Variants in CCNY observed in about 807,000 individuals in gnomAD.
The protein encoded by CCNY is cyclin-Y.
Under a neutral mutation model 42.8 loss-of-function variants are expected in CCNY, and 19 were observed. The observed-to-expected ratio is 0.44, with a 90% CI of 0.31 to 0.65. The LOEUF is 0.65. Among genes scored for constraint, CCNY ranks in the 30% least tolerant of loss-of-function variants. The probability of loss-of-function intolerance (pLI) is 0.07; values close to 1 mark genes in which losing one functional copy is unlikely to be tolerated. For missense variants in CCNY, 370 were observed against 437.3 expected (o/e 0.85, Z 1.37); for synonymous variants, 165 against 162.7 (o/e 1.01, Z -0.11).
In CCNY at chr10:35,312,318, T is replaced by C. The variant is rs540465652; in HGVS notation, c.-9+61692T>C. On this transcript the variant is annotated intron_variant, in intron 3 of 11. Transcript: ENST00000374706. ...ATCGCTTGAGCCCAGGAGGCGGAGC[T>C]TGCAGTGAGCCGAGATTGCGCCACT... 7.8e-5 allele frequency among the ~76,000 whole-genome samples: 11 copies of C among 141,430 alleles called. No individual in the cohort carries two copies. The East Asian group carries it at 2.4e-3, about 31-fold the overall frequency. 92.8% of individuals were successfully genotyped at this position (141,430 alleles called of 152,430 possible). A position where few individuals can be genotyped will look rare whatever the true frequency, so the allele number is the denominator to read the frequency against.
chr10:35,564,174 C>T (rs1205811936), intron 8 of CCNY, among the ~76,000 whole-genome samples: 1 of 63,580 alleles, frequency 1.6e-5, no homozygotes, highest in Non-Finnish European at 3.0e-5. Context: ...GTGACCACAC[C>T]CAGCCTAAAT....
At chr10:35,378,203 T>G (rs973062108) in intron 1 of CCNY, among the ~76,000 whole-genome samples, 2 of 152,244 alleles carry the variant, frequency 1.3e-5, no homozygotes, top group Non-Finnish European at 2.9e-5. Context: ...CACTAATTTA[T>G]GCAGATCTTC....
At chr10:35,566,458 C>T (rs1233298324) in intron 9 of CCNY, among the ~76,000 whole-genome samples, 1 of 152,216 alleles carries the variant, frequency 6.6e-6, no homozygotes, top group African/African-American at 2.4e-5. Flanking sequence ...AATTCTGCTT[C>T]AGCCTCTCAA....
At chr10:35,265,897 GC>G (rs2095724657) in intron 3 of CCNY, among the ~76,000 whole-genome samples, 1 of 152,128 alleles carries the variant, frequency 6.6e-6, no homozygotes, top group South Asian at 2.1e-4. Flanking sequence ...ACACCTGCAG[GC>G]CACCGGGAGA....
At position 35,319,508 on chromosome 10, in the gene CCNY, G is replaced by A. The variant is rs1362920288; in HGVS notation, c.-9+68882G>A. Among the ~76,000 whole-genome samples, 3 of 152,306 alleles carry A rather than the reference G, an allele frequency of 2.0e-5. No individual in the cohort carries two copies. In the South Asian group the frequency reaches 6.2e-4, roughly 32 times the overall value. ...TAAAACAAAAAAAGATTATAATTATGTAAATAAATTCAATGGCATAGATAA... is the reference window on the plus strand; with the variant it reads ...TAAAACAAAAAAAGATTATAATTATATAAATAAATTCAATGGCATAGATAA... On this transcript the variant is annotated intron_variant, in intron 3 of 11. Transcript: ENST00000374706.
intron 1 of CCNY, among the ~76,000 whole-genome samples, chr10:35,346,935 T>C (rs1836318301): frequency 6.6e-6 from 1 of 152,256 alleles, no homozygotes; most frequent in Non-Finnish European, 1.5e-5. Context: ...CCCCATTAGT[T>C]TGTAAAGAAA....
rs35693357 is a variant in CCNY at position 35,383,953 on chromosome 10, A to AAT, written c.154+46763_154+46764dup. Reference sequence around the variant, plus strand: ...ATGCATTGTGGGGAATGAGAGTAAGAATATATATATATATATATTAAGTAA... The same window carrying AAT: ...ATGCATTGTGGGGAATGAGAGTAAGAATATATATATATATATATATTAAGTAA... On this transcript the variant is annotated intron_variant, in intron 1 of 9. Coordinates refer to ENST00000374704, the MANE Select transcript of CCNY (RefSeq NM_145012.6). Among the ~76,000 whole-genome samples, 566 of 141,992 alleles carry AAT rather than the reference A, an allele frequency of 4.0e-3. 4 individuals are homozygous for AAT. Among genetic ancestry groups the AAT allele is most frequent in the African/African-American group, 6.3e-3 (217 of 34,500 alleles). 93.2% of individuals were successfully genotyped at this position (141,992 alleles called of 152,430 possible).
At chr10:35,376,966 A>C (rs1837065984) in intron 1 of CCNY, among the ~76,000 whole-genome samples, 2 of 152,206 alleles carry the variant, frequency 1.3e-5, no homozygotes, top group African/African-American at 4.8e-5. Flanking sequence ...TTTTGGAATT[A>C]CATAGCAGTG....
At chr10:35,516,485 T>C in intron 3 of CCNY, 38 bp from the exon 4 acceptor site, 1 of 1,377,750 alleles carries the variant, frequency 7.3e-7, no homozygotes, top group Non-Finnish European at 1.0e-6. Flanking sequence ...TTCTGAGCCC[T>C]GTGTAATTGC....
At chr10:35,347,528 GTTCT>G (rs1438972113) in intron 1 of CCNY, 1 of 621,696 alleles carries the variant, frequency 1.6e-6, no homozygotes, top group African/African-American at 2.0e-5. Context: ...TTATAAGCAA[GTTCT>G]TTATTTTGGG....
intron 3 of CCNY, among the ~76,000 whole-genome samples, chr10:35,267,083 C>CAAAAA (rs34140857): frequency 9.4e-6 from 1 of 106,658 alleles, no homozygotes; most frequent in Non-Finnish European, 1.9e-5. Context: ...ACTTCTGTCT[C>CAAAAA]AAAAAAAAAA....
intron 3 of CCNY, among the ~76,000 whole-genome samples, chr10:35,307,590 C>A (rs184154811): frequency 1.3e-5 from 2 of 151,972 alleles, no homozygotes; most frequent in Admixed American, 1.3e-4. Flanking sequence ...GATCTTTATG[C>A]TAGGTACTGG....
intron 2 of CCNY, among the ~76,000 whole-genome samples, chr10:35,489,874 G>A (rs564139590): frequency 6.6e-6 from 1 of 152,294 alleles, no homozygotes; most frequent in African/African-American, 2.4e-5. Flanking sequence ...ACCAAATGTA[G>A]CACATGACTT....
chr10:35,253,123 CAT>C (rs1358458112), intron 3 of CCNY, among the ~76,000 whole-genome samples: 5 of 152,310 alleles, frequency 3.3e-5, no homozygotes, highest in African/African-American at 7.2e-5. Flanking sequence ...TTGAATAACA[CAT>C]GATAGAGTCA....
At chr10:35,457,920 AT>A (rs1839073339) in intron 1 of CCNY, among the ~76,000 whole-genome samples, 1 of 152,216 alleles carries the variant, frequency 6.6e-6, no homozygotes, top group Admixed American at 6.5e-5. Context: ...GAAATCATGA[AT>A]GCAGAAATAT....
chr10:35,379,867 A>G (rs187182796), intron 1 of CCNY, among the ~76,000 whole-genome samples: 27 of 152,304 alleles, frequency 1.8e-4, no homozygotes, highest in African/African-American at 5.1e-4. Flanking sequence ...GGAGCCGTCT[A>G]TTGGAGGCTT....
rs11010147 is a variant in CCNY, at chr10:35,259,670, T to C, written c.-9+9044T>C. Among the ~76,000 whole-genome samples the C allele has an allele frequency of 1.0e-3, 32 of 31,960 alleles. 1 individual carries two copies. In the Admixed American group the frequency reaches 0.012, roughly 12 times the overall value. 21.0% of individuals were successfully genotyped at this position (31,960 alleles called of 152,430 possible). On this transcript the variant is annotated intron_variant, in intron 3 of 11. Transcript: ENST00000374706. ...GACACACACCATCATGCCTGGCTAA[T>C]TGTTTTTTTTTTTTTTTTTTTTTTA...
At chr10:35,509,080 A>C (rs142650744) in intron 3 of CCNY, among the ~76,000 whole-genome samples, 3,589 of 152,252 alleles carry the variant, frequency 0.024, 53 homozygotes, top group Middle Eastern at 0.037. Flanking sequence ...TTTATGGCCA[A>C]ATACATTTCT....
At chr10:35,270,068 A>T (rs1337486955) in intron 3 of CCNY, among the ~76,000 whole-genome samples, 1 of 152,038 alleles carries the variant, frequency 6.6e-6, no homozygotes, top group Non-Finnish European at 1.5e-5. Context: ...AATGACCTTT[A>T]TTGTCCATAT....
Sources: allele counts gnomAD v4.1 joint callset (sites outside exome capture counted in the v4.1 genomes callset), GRCh38; gene constraint gnomAD v4.1.1; transcripts MANE v1.5; gene names NCBI Gene and HGNC (gene_info 2026-07-23, HGNC 2026-07-21).